PDE1A: variants seen among roughly 807,000 people sequenced by gnomAD.
PDE1A encodes dual specificity calcium/calmodulin-dependent 3',5'-cyclic nucleotide phosphodiesterase 1A.
A neutral mutation model predicts 61.7 loss-of-function variants in PDE1A; 35 were observed. The observed-to-expected ratio is 0.57, with a 90% CI of 0.43 to 0.75. The LOEUF (loss-of-function observed/expected upper bound fraction) is 0.75, where lower values mean the gene tolerates loss of function less well. PDE1A is among the 30% of genes least tolerant of loss of function. The pLI is 0.00. For missense variants in PDE1A, 597 were observed against 630.6 expected (o/e 0.95, Z 0.57); for synonymous variants, 232 against 213.2 (o/e 1.09, Z -0.77).
chr2:182,637,929 CAA>C, the PDE1A span, among the ~76,000 whole-genome samples: 1 of 151,462 alleles, frequency 6.6e-6, no homozygotes, highest in Admixed American at 6.6e-5. Context: ...CTCAAAAAAA[CAA>C]AAAGTCAAAG....
chr2:182,318,734 T>A (rs1005834249), intron 1 of PDE1A, among the ~76,000 whole-genome samples: 1 of 152,166 alleles, frequency 6.6e-6, no homozygotes, highest in Non-Finnish European at 1.5e-5. Flanking sequence ...AGCAACATGA[T>A]AATTCTCTGT....
chr2:182,579,826 C>T, the PDE1A span, among the ~76,000 whole-genome samples: 1 of 152,070 alleles, frequency 6.6e-6, no homozygotes, highest in East Asian at 1.9e-4. Flanking sequence ...AAAGAATGAT[C>T]ATTATAGGAC....
At chr2:182,238,664 G>T (rs1690258291) in intron 3 of PDE1A, among the ~76,000 whole-genome samples, 1 of 152,112 alleles carries the variant, frequency 6.6e-6, no homozygotes, top group African/African-American at 2.4e-5. Flanking sequence ...ATTCAACAGT[G>T]ATTTAAAAAA....
At chr2:182,681,473 G>GA in the PDE1A span, among the ~76,000 whole-genome samples, 1 of 147,886 alleles carries the variant, frequency 6.8e-6, no homozygotes, top group Non-Finnish European at 1.5e-5. Context: ...ATACCTATCT[G>GA]GAAATTCTTT....
chr2:182,571,184 A>G, the PDE1A span, among the ~76,000 whole-genome samples: 1 of 152,194 alleles, frequency 6.6e-6, no homozygotes, highest in Admixed American at 6.5e-5. Flanking sequence ...GGTAAGAGCT[A>G]TTTTCATGGA....
chr2:182,435,837 T>G (rs1310281880), intron 2 of PDE1A, among the ~76,000 whole-genome samples: 1 of 152,096 alleles, frequency 6.6e-6, no homozygotes. Flanking sequence ...ATTAGCAATT[T>G]TTTTAAGTCT....
intron 1 of PDE1A, among the ~76,000 whole-genome samples, chr2:182,398,309 T>C (rs1701820704): frequency 6.6e-6 from 1 of 151,976 alleles, no homozygotes; most frequent in South Asian, 2.1e-4. Flanking sequence ...ACGTTAAATA[T>C]ACAACTACTG....
At chr2:182,546,927 T>G in the PDE1A span, among the ~76,000 whole-genome samples, 1 of 152,360 alleles carries the variant, frequency 6.6e-6, no homozygotes, top group South Asian at 2.1e-4. Context: ...TTCAATCATT[T>G]CCTGTTTTTA....
At chr2:182,565,510 G>A in the PDE1A span, among the ~76,000 whole-genome samples, 1 of 152,070 alleles carries the variant, frequency 6.6e-6, no homozygotes, top group African/African-American at 2.4e-5. Flanking sequence ...AGGGATCAGG[G>A]ACCCACTTGA....
intron 13 of PDE1A, among the ~76,000 whole-genome samples, chr2:182,149,470 G>A (rs745583490): frequency 3.9e-5 from 6 of 152,070 alleles, no homozygotes; most frequent in African/African-American, 7.2e-5. Flanking sequence ...TAAGAGTTTC[G>A]TAGCACTGAA....
At chr2:182,665,260 A>C in the PDE1A span, among the ~76,000 whole-genome samples, 1 of 152,222 alleles carries the variant, frequency 6.6e-6, no homozygotes, top group African/African-American at 2.4e-5. Context: ...TCTGCAGAGC[A>C]AAAGAAACTA....
the PDE1A span, among the ~76,000 whole-genome samples, chr2:182,559,499 G>C: frequency 1.3e-5 from 2 of 152,136 alleles, no homozygotes; most frequent in African/African-American, 2.4e-5. Flanking sequence ...CAAGGGTATA[G>C]AGCAACCAGA....
upstream of PDE1A, among the ~76,000 whole-genome samples, chr2:182,527,116 T>C (rs576443355): frequency 1.7e-3 from 259 of 150,284 alleles, 1 homozygote; most frequent in Non-Finnish European, 3.3e-3. Context: ...AAAAGAACCA[T>C]TGAAATTACA....
At chr2:182,707,607 T>A in the PDE1A span, among the ~76,000 whole-genome samples, 6 of 152,318 alleles carry the variant, frequency 3.9e-5, no homozygotes, top group African/African-American at 1.4e-4. Flanking sequence ...TGAATGGTCC[T>A]ATATCTAGCA....
intron 2 of PDE1A, among the ~76,000 whole-genome samples, chr2:182,432,544 T>C (rs982957066): frequency 2.0e-5 from 3 of 152,124 alleles, no homozygotes; most frequent in Admixed American, 6.6e-5. Context: ...TCCCTGTGCA[T>C]AGTATATAAA....
At chr2:182,638,911 A>T in the PDE1A span, among the ~76,000 whole-genome samples, 1 of 152,150 alleles carries the variant, frequency 6.6e-6, no homozygotes. Context: ...TGTAGCAAAG[A>T]TACTCAGAAT....
At chr2:182,242,019 GA>G in intron 2 of PDE1A, 2 of 1,391,454 alleles carry the variant, frequency 1.4e-6, no homozygotes, top group Non-Finnish European at 1.9e-6. Flanking sequence ...CTTATGCAGT[GA>G]TCAGATACAG....
chr2:182,620,761 T>C, the PDE1A span, among the ~76,000 whole-genome samples: 3 of 152,342 alleles, frequency 2.0e-5, no homozygotes, highest in Non-Finnish European at 4.4e-5. Flanking sequence ...CAGTTTCTAT[T>C]TTAAGCACCA....
chr2:182,168,286 T>C, exon 14 of PDE1A: 1 of 1,585,376 alleles, frequency 6.3e-7, no homozygotes. Flanking sequence ...AACTGGTTCT[T>C]GCTTCTGAAA....
Sources: allele counts gnomAD v4.1 joint callset (sites outside exome capture counted in the v4.1 genomes callset), GRCh38; gene constraint gnomAD v4.1.1; transcripts MANE v1.5; gene names NCBI Gene and HGNC (gene_info 2026-07-23, HGNC 2026-07-21).